PACRG: variants seen among roughly 807,000 people sequenced by gnomAD.
The protein encoded by PACRG is parkin coregulated.
Under a neutral mutation model 29.7 loss-of-function variants are expected in PACRG, and 29 were observed. The observed-to-expected ratio is 0.98, with a 90% CI of 0.73 to 1.33. The LOEUF (loss-of-function observed/expected upper bound fraction) is 1.33, where lower values mean the gene tolerates loss of function less well. Ranked by LOEUF, PACRG falls within the 40% of genes most tolerant of loss-of-function variation. PACRG has a pLI of 0.00. For missense variants in PACRG, 279 were observed against 316.2 expected (o/e 0.88, Z 0.89); for synonymous variants, 116 against 118.7 (o/e 0.98, Z 0.15).
chr6:162,790,798 C>CA (rs1784871590), intron 1 of PACRG, among the ~76,000 whole-genome samples: 1 of 152,136 alleles, frequency 6.6e-6, no homozygotes, highest in African/African-American at 2.4e-5. Flanking sequence ...GTTGATCCCG[C>CA]TATGTATCAA....
At chr6:162,917,668 G>A (rs943744727) in intron 2 of PACRG, among the ~76,000 whole-genome samples, 4 of 152,032 alleles carry the variant, frequency 2.6e-5, no homozygotes, top group Non-Finnish European at 4.4e-5. Flanking sequence ...TGGTCTTTTT[G>A]TTTTAAAATC....
chr6:162,837,700 G>T (rs965083377), intron 2 of PACRG, among the ~76,000 whole-genome samples: 1 of 152,094 alleles, frequency 6.6e-6, no homozygotes, highest in African/African-American at 2.4e-5. Context: ...AAAGGAAATA[G>T]AACTGAGACA....
In PACRG at chr6:163,067,146, C is replaced by CA. The variant is rs1562883693; in HGVS notation, c.463+4825_463+4826insA. 8.9e-4 allele frequency among the ~76,000 whole-genome samples: 136 copies of CA among 152,316 alleles called. 1 individual carries two copies. The highest frequency in any genetic ancestry group is 2.8e-3 in the African/African-American group (117 of 41,582). ...AGTGAACAGCCTTCCTGCTGTAGCA[C>CA]CGCTTCCCAAGCTTCAGTATGCATC... is the stretch of plus-strand genomic sequence containing the variant. On this transcript the variant is annotated intron_variant, in intron 3 of 4. Coordinates refer to ENST00000366888, the MANE Select transcript of PACRG (RefSeq NM_001080379.2).
At chr6:163,208,178 TC>T in intron 4 of PACRG, among the ~76,000 whole-genome samples, 1 of 152,344 alleles carries the variant, frequency 6.6e-6, no homozygotes. Context: ...CACAATCGAG[TC>T]CAAAGATTAT....
At chr6:163,051,072 C>T (rs953734380) in intron 2 of PACRG, among the ~76,000 whole-genome samples, 14 of 152,184 alleles carry the variant, frequency 9.2e-5, no homozygotes, top group African/African-American at 3.1e-4. Flanking sequence ...CTTCCAGCTC[C>T]GTGATCCAGA....
chr6:162,957,442 C>G (rs1490686554), intron 2 of PACRG: 2 of 516,554 alleles, frequency 3.9e-6, no homozygotes, highest in South Asian at 3.9e-5. Flanking sequence ...TGGGCACACA[C>G]CACATGCAGA....
chr6:163,297,534 C>T (rs742332), intron 4 of PACRG, among the ~76,000 whole-genome samples: 22,263 of 152,068 alleles, frequency 0.15, 1,973 homozygotes, highest in Non-Finnish European at 0.2. Flanking sequence ...TCAGCTTGGG[C>T]TTCCTAGAGC....
intron 4 of PACRG, among the ~76,000 whole-genome samples, chr6:163,263,475 T>C (rs1258529687): frequency 6.6e-6 from 1 of 152,064 alleles, no homozygotes; most frequent in Non-Finnish European, 1.5e-5. Context: ...AAAGCTACAG[T>C]GAAAGGTCAA....
chr6:162,828,493 T>G (rs1023462937), intron 2 of PACRG, among the ~76,000 whole-genome samples: 4 of 152,240 alleles, frequency 2.6e-5, no homozygotes, highest in Non-Finnish European at 4.4e-5. Flanking sequence ...TGCTCTGCTC[T>G]GGAAATACAG....
intron 2 of PACRG, among the ~76,000 whole-genome samples, chr6:162,823,975 G>T (rs1195317262): frequency 6.6e-6 from 1 of 152,084 alleles, no homozygotes; most frequent in Non-Finnish European, 1.5e-5. Flanking sequence ...CCTAAAAGGG[G>T]ACTTTGTAAC....
chr6:163,013,329 G>A (rs983361154), intron 2 of PACRG, among the ~76,000 whole-genome samples: 1 of 151,580 alleles, frequency 6.6e-6, no homozygotes, highest in Non-Finnish European at 1.5e-5. Context: ...CTACGCCAAT[G>A]GAGTGTAAAA....
intron 4 of PACRG, among the ~76,000 whole-genome samples, chr6:163,252,542 G>A (rs1386445468): frequency 6.6e-6 from 1 of 152,218 alleles, no homozygotes; most frequent in African/African-American, 2.4e-5. Flanking sequence ...GTGAAGGCCA[G>A]AGGGGCAGTG....
At chr6:163,060,113 C>T (rs940924825) in intron 2 of PACRG, among the ~76,000 whole-genome samples, 4 of 151,694 alleles carry the variant, frequency 2.6e-5, no homozygotes, top group African/African-American at 4.8e-5. Context: ...AAACAACAAC[C>T]GAAGACCAAA....
intron 4 of PACRG, among the ~76,000 whole-genome samples, chr6:163,202,373 A>G (rs1424749253): frequency 3.3e-5 from 5 of 152,006 alleles, no homozygotes; most frequent in Non-Finnish European, 7.4e-5. Flanking sequence ...TACTGTTTGT[A>G]TGTGTTTATG....
intron 4 of PACRG, among the ~76,000 whole-genome samples, chr6:163,264,662 T>A (rs1293414135): frequency 6.6e-6 from 1 of 152,018 alleles, no homozygotes; most frequent in Non-Finnish European, 1.5e-5. Flanking sequence ...ATTTGCAGGG[T>A]ATATACACGG....
chr6:162,958,744 G>GTC (rs1800267442), intron 2 of PACRG, among the ~76,000 whole-genome samples: 1 of 149,474 alleles, frequency 6.7e-6, no homozygotes, highest in Non-Finnish European at 1.5e-5. Flanking sequence ...GCGTGTGTGT[G>GTC]TGTGTGTGTG....
At chr6:162,912,231 T>C (rs1796350489) in intron 2 of PACRG, among the ~76,000 whole-genome samples, 1 of 152,234 alleles carries the variant, frequency 6.6e-6, no homozygotes, top group Non-Finnish European at 1.5e-5. Context: ...CTATCCTGTT[T>C]CCTTGTGATC....
intron 4 of PACRG, among the ~76,000 whole-genome samples, chr6:163,216,088 G>T (rs1248577252): frequency 6.6e-6 from 1 of 152,214 alleles, no homozygotes; most frequent in Non-Finnish European, 1.5e-5. Context: ...TTGAACACAT[G>T]AAATGTAGAC....
At chr6:163,252,202 G>A (rs755858367) in intron 4 of PACRG, among the ~76,000 whole-genome samples, 2 of 152,226 alleles carry the variant, frequency 1.3e-5, no homozygotes, top group Non-Finnish European at 2.9e-5. Context: ...GACAGGCCTG[G>A]TGCACGTGAG....
Sources: allele counts gnomAD v4.1 joint callset (sites outside exome capture counted in the v4.1 genomes callset), GRCh38; gene constraint gnomAD v4.1.1; transcripts MANE v1.5; gene names NCBI Gene and HGNC (gene_info 2026-07-23, HGNC 2026-07-21).